CPLANE1: variants seen among roughly 807,000 people sequenced by gnomAD.
CPLANE1 encodes ciliogenesis and planar polarity effector complex subunit 1.
CPLANE1 carries 263 observed loss-of-function variants against 362.5 expected under a neutral mutation model. The observed-to-expected ratio is 0.73, with a 90% CI of 0.66 to 0.80. CPLANE1 has a LOEUF of 0.80. Among genes scored for constraint, CPLANE1 ranks in the 30% least tolerant of loss-of-function variants. The pLI is 0.00. For missense variants in CPLANE1, 3,461 were observed against 3,793.4 expected (o/e 0.91, Z 2.30); for synonymous variants, 1,212 against 1,302.6 (o/e 0.93, Z 1.50).
chr5:37,199,928 G>T (rs115986111), intron 19 of CPLANE1, among the ~76,000 whole-genome samples: 3,247 of 152,270 alleles, frequency 0.021, 130 homozygotes, highest in African/African-American at 0.075. Context: ...CAATCCTCTT[G>T]CTTGGAATGC....
chr5:37,192,185 A>G (rs906350038), intron 21 of CPLANE1, among the ~76,000 whole-genome samples: 3 of 152,238 alleles, frequency 2.0e-5, no homozygotes, highest in African/African-American at 7.2e-5. Context: ...TGCCTACAGT[A>G]TTCAGTGTAG....
At chr5:37,163,619 C>A (rs751024175) in intron 37 of CPLANE1, among the ~76,000 whole-genome samples, 1 of 152,020 alleles carries the variant, frequency 6.6e-6, no homozygotes, top group Non-Finnish European at 1.5e-5. Context: ...CTACAAAGAC[C>A]CAGTTTCTTG....
chr5:37,206,613 C>T lies in CPLANE1; in HGVS notation c.2921-188G>A, dbSNP rs572946169. 4.0e-5 allele frequency among the ~76,000 whole-genome samples: 6 copies of T among 151,594 alleles called. No homozygotes were observed. In the South Asian group the frequency reaches 6.3e-4, roughly 16 times the overall value. On this transcript the variant is annotated intron_variant, in intron 16 of 52. Transcript: ENST00000651892. ...TTAACACTGAAGAATGTGCCTCATT[C>T]GTGGGTCATGAAACAAATGCCAGCA...
At chr5:37,122,610 C>G in intron 47 of CPLANE1, 122 bp from the exon 48 acceptor site, 2 of 725,298 alleles carry the variant, frequency 2.8e-6, no homozygotes, top group Non-Finnish European at 4.5e-6. Context: ...GCTTCCTACT[C>G]TAGCATAAAA....
chr5:37,173,677 C>G, intron 32 of CPLANE1, 78 bp downstream of exon 32: 17 of 1,191,100 alleles, frequency 1.4e-5, no homozygotes, highest in Non-Finnish European at 2.0e-5. Context: ...TTGTCAATTT[C>G]TGGAAATCTA....
At chr5:37,175,792 T>C in intron 31 of CPLANE1, 117 bp downstream of exon 31, 1 of 702,172 alleles carries the variant, frequency 1.4e-6, no homozygotes, top group East Asian at 2.5e-5. Flanking sequence ...TTCATTTTTC[T>C]TAGTTTTTAG....
At chr5:37,229,317 G>A (rs2150488485) in intron 9 of CPLANE1, among the ~76,000 whole-genome samples, 1 of 152,028 alleles carries the variant, frequency 6.6e-6, no homozygotes, top group East Asian at 1.9e-4. Context: ...ACTTTGGGAA[G>A]CCGAGGCGGG....
At chr5:37,198,940 T>C in intron 19 of CPLANE1, 74 bp from the exon 20 acceptor site, 2 of 1,376,956 alleles carry the variant, frequency 1.5e-6, no homozygotes, top group Non-Finnish European at 2.0e-6. Flanking sequence ...AAAATAAAGA[T>C]AGGCTAATGA....
At chr5:37,076,837 C>T in the CPLANE1 span, among the ~76,000 whole-genome samples, 1 of 146,652 alleles carries the variant, frequency 6.8e-6, no homozygotes, top group African/African-American at 2.6e-5. Flanking sequence ...ATCTAGGATG[C>T]CTAGTGGTCT....
At chr5:37,238,816 A>G (rs542366603) in intron 8 of CPLANE1, 41 bp downstream of exon 8, 2 of 1,205,628 alleles carry the variant, frequency 1.7e-6, no homozygotes, top group South Asian at 3.1e-5. Flanking sequence ...ATCTCTTTTA[A>G]AAGAAAAAAA....
chr5:37,140,555 G>C (rs1467384039), intron 44 of CPLANE1: 1 of 985,286 alleles, frequency 1.0e-6, no homozygotes, highest in Non-Finnish European at 1.2e-6. Flanking sequence ...ACTTAGGAAA[G>C]AGAAGGTCCA....
At chr5:37,141,990 T>C (rs1769888211) in intron 44 of CPLANE1, 2 of 651,034 alleles carry the variant, frequency 3.1e-6, no homozygotes, top group South Asian at 1.4e-4. Flanking sequence ...CAAATTAAAA[T>C]TCAAAGTTCT....
chr5:37,156,347 T>C lies in CPLANE1; in HGVS notation c.8119+966A>G, dbSNP rs190062969. On this transcript the variant is annotated intron_variant, in intron 41 of 52. Coordinates refer to ENST00000651892, the MANE Select transcript of CPLANE1 (RefSeq NM_001384732.1). ...GGCTGGGTGTGGTGGCTCATGCCTA[T>C]AATCCCAGTACTTTGGGAGGCTGAG... is the stretch of plus-strand genomic sequence containing the variant. Among the ~76,000 whole-genome samples the C allele has an allele frequency of 3.4e-3, 525 of 152,314 alleles. 2 individuals are homozygous for C. The highest frequency in any genetic ancestry group is 0.012 in the African/African-American group (505 of 41,552).
intron 46 of CPLANE1, among the ~76,000 whole-genome samples, chr5:37,136,225 C>T (rs182137480): frequency 4.6e-5 from 7 of 152,288 alleles, no homozygotes; most frequent in East Asian, 1.9e-4. Context: ...TAAAAATACC[C>T]GGTCCAAATA....
At chr5:37,079,194 T>TTAAG in the CPLANE1 span, among the ~76,000 whole-genome samples, 3 of 152,322 alleles carry the variant, frequency 2.0e-5, no homozygotes, top group East Asian at 3.9e-4. Flanking sequence ...GGTTTTACAT[T>TTAAG]TAAGTCTTTA....
Position 37,238,882 on chromosome 5 carries a change from G to A in CPLANE1, c.913C>T (p.Pro305Ser), listed in dbSNP as rs1248663983. Reference sequence around the variant, plus strand: ...CTAATAAGTGTAGCTGGAACCACGGGACTCTTGTTACTACATCCTTTAAGG... The same window carrying A: ...CTAATAAGTGTAGCTGGAACCACGGAACTCTTGTTACTACATCCTTTAAGG... ...GSLKGCSNKS[P>S]VVPATLIRSY... is the part of the protein sequence containing the mutation. Residue 305 changes from proline (P) to serine (S), a missense_variant, in exon 8 of 53, where the codon CCC becomes TCC. Pro to Ser is a moderately conservative substitution (Grantham distance 74). Around this residue, in one of 2 missense-constraint regions of CPLANE1, gnomAD observed 3,380 missense variants for 3,666.1 expected, o/e 0.92. Coordinates refer to ENST00000651892, the MANE Select transcript of CPLANE1 (RefSeq NM_001384732.1). 1 of 1,525,500 alleles carries A rather than the reference G, an allele frequency of 6.6e-7. No homozygotes were observed. The highest frequency in any genetic ancestry group is 8.8e-7 in the Non-Finnish European group (1 of 1,135,618). The allele number at this position is 1,525,500 out of a possible 1,614,324, so 94.5% of individuals were successfully genotyped here.
chr5:37,178,284 T>TCC (rs1197800663), intron 29 of CPLANE1, among the ~76,000 whole-genome samples: 11 of 149,548 alleles, frequency 7.4e-5, no homozygotes, highest in Admixed American at 2.0e-4. Context: ...AGAGCAAGAC[T>TCC]GTCTCAAAAA....
Position 37,170,343 on chromosome 5 carries a change from CA to C in CPLANE1, c.6172-13del. On this transcript the variant is annotated splice_polypyrimidine_tract_variant and intron_variant, in intron 32 of 52. Transcript: ENST00000651892. Reference sequence around the variant, plus strand: ...TTGATCTGTTGCAGCTTGAATAAAACAAAAATTGAAGCGATATCTTAAAATA... The same window carrying C: ...TTGATCTGTTGCAGCTTGAATAAAACAAAATTGAAGCGATATCTTAAAATA... The C allele has an allele frequency of 1.9e-6, 3 of 1,594,986 alleles. No homozygotes were observed. Among genetic ancestry groups the C allele is most frequent in the Non-Finnish European group, 2.6e-6 (3 of 1,171,006 alleles).
chr5:37,106,965 T>G lies in CPLANE1; in HGVS notation c.*637A>C, dbSNP rs927124040. 13 of 985,226 alleles carry G rather than the reference T, an allele frequency of 1.3e-5. No individual in the cohort carries two copies. The African/African-American group carries it at 1.6e-4, about 12-fold the overall frequency. 61.0% of individuals were successfully genotyped at this position (985,226 alleles called of 1,614,324 possible). Reference sequence around the variant, plus strand: ...AAGATGAGCCTTCTAGAGGCCGGAGTCATATTCCCTTACTTTCCTGCCCAA... The same window carrying G: ...AAGATGAGCCTTCTAGAGGCCGGAGGCATATTCCCTTACTTTCCTGCCCAA... On this transcript the variant is annotated 3_prime_UTR_variant, in exon 53 of 53. Coordinates refer to ENST00000651892, the MANE Select transcript of CPLANE1 (RefSeq NM_001384732.1).
Sources: gnomAD v4.1 joint callset for allele counts (sites outside exome capture counted in the v4.1 genomes callset) on GRCh38, gnomAD v4.1.1 for gene constraint, gnomAD v4.1.1 regional missense constraint, MANE v1.5 for transcripts, NCBI Gene and HGNC (gene_info 2026-07-23, HGNC 2026-07-21) for gene names.